COL25A1: variants seen among roughly 807,000 people sequenced by gnomAD.
The protein encoded by COL25A1 is collagen type XXV alpha 1 chain, also known as collagen alpha-1(XXV) chain.
Under a neutral mutation model 128.4 loss-of-function variants are expected in COL25A1, and 103 were observed. The observed-to-expected ratio is 0.80, with a 90% CI of 0.68 to 0.94. The LOEUF is 0.94. Ranked by LOEUF, COL25A1 falls within the 40% of genes least tolerant of loss-of-function variation. COL25A1 has a pLI of 0.00. For missense variants in COL25A1, 745 were observed against 840.0 expected (o/e 0.89, Z 1.40); for synonymous variants, 279 against 277.2 (o/e 1.01, Z -0.06).
At chr4:109,294,616 T>C (rs1724798626) in intron 3 of COL25A1, among the ~76,000 whole-genome samples, 1 of 152,114 alleles carries the variant, frequency 6.6e-6, no homozygotes, top group African/African-American at 2.4e-5. Flanking sequence ...GGGATGCATC[T>C]ATATTTAACC....
At chr4:108,845,139 G>T (rs780471852) in intron 29 of COL25A1, 50 bp downstream of exon 29, 6 of 1,446,696 alleles carry the variant, frequency 4.1e-6, no homozygotes, top group African/African-American at 2.8e-5. Flanking sequence ...TAACATGTCA[G>T]TGTGTGAGGA....
intron 11 of COL25A1, among the ~76,000 whole-genome samples, chr4:108,926,936 C>A (rs1381748175): frequency 1.3e-5 from 2 of 151,868 alleles, no homozygotes; most frequent in South Asian, 2.1e-4. Context: ...GAGTGCACTG[C>A]AATGTTTTCA....
chr4:108,967,846 T>C (rs1751492738), intron 8 of COL25A1, among the ~76,000 whole-genome samples: 1 of 152,306 alleles, frequency 6.6e-6, no homozygotes, highest in East Asian at 1.9e-4. Context: ...CAGCAGGTTG[T>C]GTAATCTCTA....
intron 5 of COL25A1, among the ~76,000 whole-genome samples, chr4:109,031,516 A>G (rs1316591391): frequency 2.0e-5 from 3 of 152,150 alleles, no homozygotes; most frequent in Non-Finnish European, 2.9e-5. Flanking sequence ...AGGTCACAAA[A>G]CCTTAAGGAT....
chr4:108,923,458 G>A (rs2125903958), intron 11 of COL25A1, among the ~76,000 whole-genome samples: 1 of 152,182 alleles, frequency 6.6e-6, no homozygotes, highest in East Asian at 1.9e-4. Flanking sequence ...CAATCCTCCT[G>A]CCTCAGCCTC....
At chr4:108,820,560 CAA>C (rs1162753310) in intron 35 of COL25A1, among the ~76,000 whole-genome samples, 2 of 151,980 alleles carry the variant, frequency 1.3e-5, no homozygotes, top group African/African-American at 4.8e-5. Flanking sequence ...GTCAGGTAAA[CAA>C]ATGTTAAAAG....
At chr4:109,222,018 A>G (rs1183900913) in intron 3 of COL25A1, among the ~76,000 whole-genome samples, 1 of 151,126 alleles carries the variant, frequency 6.6e-6, no homozygotes, top group Non-Finnish European at 1.5e-5. Flanking sequence ...AAATAACATC[A>G]ACTATTAAGT....
At chr4:108,832,270 T>C in intron 32 of COL25A1, 110 bp downstream of exon 32, 1 of 719,092 alleles carries the variant, frequency 1.4e-6, no homozygotes, top group Admixed American at 3.0e-5. Flanking sequence ...TTTTATTTAA[T>C]ATTAGATAGC....
chr4:109,153,582 CTT>C (rs1346575125), intron 3 of COL25A1, among the ~76,000 whole-genome samples: 1 of 152,104 alleles, frequency 6.6e-6, no homozygotes, highest in Non-Finnish European at 1.5e-5. Flanking sequence ...CTCAATGAAA[CTT>C]AGTGTCACCA....
At chr4:109,022,325 A>G (rs1757855282) in intron 5 of COL25A1, 1 of 333,170 alleles carries the variant, frequency 3.0e-6, no homozygotes, top group Non-Finnish European at 6.0e-6. Flanking sequence ...ACGATCCATG[A>G]TATCAACCAT....
chr4:109,216,873 G>T (rs1404625801), intron 3 of COL25A1, among the ~76,000 whole-genome samples: 1 of 152,048 alleles, frequency 6.6e-6, no homozygotes, highest in East Asian at 1.9e-4. Context: ...AAACCACAGT[G>T]GAAGATTGTA....
At chr4:108,929,401 G>C (rs1362670408) in intron 11 of COL25A1, among the ~76,000 whole-genome samples, 1 of 152,040 alleles carries the variant, frequency 6.6e-6, no homozygotes, top group Non-Finnish European at 1.5e-5. Flanking sequence ...TGGGATTGCA[G>C]GCATGAGCCA....
chr4:109,181,498 A>G (rs1356895355), intron 3 of COL25A1, among the ~76,000 whole-genome samples: 2 of 152,158 alleles, frequency 1.3e-5, no homozygotes, highest in Non-Finnish European at 2.9e-5. Context: ...ATTTAAAAAT[A>G]TTGCTGTGTA....
At chr4:108,935,247 C>A (rs550524094) in intron 11 of COL25A1, among the ~76,000 whole-genome samples, 89 of 152,222 alleles carry the variant, frequency 5.8e-4, no homozygotes, top group African/African-American at 2.1e-3. Flanking sequence ...GATTCGATTA[C>A]TATAAAATTC....
In COL25A1 at chr4:108,869,140, C is replaced by A. The variant is rs1332581396; in HGVS notation, c.1031G>T (p.Gly344Val). The change falls in exon 20 of 38, where the codon GGT (glycine) becomes GTT (valine). Residue 344 changes from glycine to valine, a missense_variant. Physicochemically the swap from Gly to Val is moderately radical, Grantham distance 109 (BLOSUM62 -3). Coordinates refer to ENST00000399132, the MANE Select transcript of COL25A1 (RefSeq NM_198721.4). ...TGGTTCTCCTTGAGGACCAATGAAA[C>A]CTGGTTCTCCCTTTAAAAACATGGG... ...PGLPGIKGEP[G>V]FIGPQGEPGL... The A allele has an allele frequency of 1.3e-6, 2 of 1,534,516 alleles. No homozygotes were observed. Among genetic ancestry groups the A allele is most frequent in the Non-Finnish European group, 1.7e-6 (2 of 1,145,312 alleles).
chr4:109,101,505 A>G (rs981405039), intron 3 of COL25A1, among the ~76,000 whole-genome samples: 1 of 152,182 alleles, frequency 6.6e-6, no homozygotes, highest in Non-Finnish European at 1.5e-5. Context: ...ATAGTTCTTA[A>G]AATGGAGATT....
At chr4:109,006,378 ATTTTTTTTTTTT>A (rs56845799) in intron 6 of COL25A1, among the ~76,000 whole-genome samples, 115 of 51,876 alleles carry the variant, frequency 2.2e-3, no homozygotes, top group South Asian at 4.7e-3. Flanking sequence ...CACCCAGCTA[ATTTTTTTTTTTT>A]TTTTTTTTTT....
At chr4:108,984,512 C>T (rs867317517) in intron 6 of COL25A1, among the ~76,000 whole-genome samples, 2 of 152,282 alleles carry the variant, frequency 1.3e-5, no homozygotes, top group African/African-American at 4.8e-5. Flanking sequence ...TCACGCATGG[C>T]GGGCTGCAGG....
At chr4:108,984,286 T>G (rs778055946) in intron 6 of COL25A1, among the ~76,000 whole-genome samples, 3 of 152,132 alleles carry the variant, frequency 2.0e-5, no homozygotes, top group Non-Finnish European at 2.9e-5. Flanking sequence ...GACACAAAGG[T>G]TCTCCACCTA....
Sources: allele counts gnomAD v4.1 joint callset (sites outside exome capture counted in the v4.1 genomes callset), GRCh38; gene constraint gnomAD v4.1.1; transcripts MANE v1.5; gene names NCBI Gene and HGNC (gene_info 2026-07-23, HGNC 2026-07-21).